The following ULK4 variants were observed in gnomAD, a reference collection of about 807,000 sequenced individuals.
ULK4 encodes the protein unc-51 like kinase 4.
ULK4 carries 133 observed loss-of-function variants against 160.6 expected under a neutral mutation model. The ratio of observed to expected loss-of-function variants is 0.83; its 90% CI spans 0.72 to 0.96. The LOEUF (loss-of-function observed/expected upper bound fraction) is 0.96, where lower values mean the gene tolerates loss of function less well. ULK4 is among the 40% of genes least tolerant of loss of function. ULK4 has a pLI of 0.00. For synonymous variants in ULK4, 534 were observed against 539.8 expected (o/e 0.99, Z 0.15); for missense variants, 1,580 against 1,499.5 (o/e 1.05, Z -0.89).
intron 27 of ULK4, among the ~76,000 whole-genome samples, chr3:41,696,686 C>A (rs2036515325): frequency 6.6e-6 from 1 of 152,160 alleles, no homozygotes; most frequent in Admixed American, 6.6e-5. Context: ...TAGTCCTGAT[C>A]TCCAGAACCT....
At chr3:41,484,406 C>T (rs570922423) in intron 32 of ULK4, among the ~76,000 whole-genome samples, 85 of 151,906 alleles carry the variant, frequency 5.6e-4, no homozygotes, top group African/African-American at 2.0e-3. Context: ...TGGAGATATA[C>T]ATCCTGGTCT....
intron 25 of ULK4, among the ~76,000 whole-genome samples, chr3:41,711,513 T>C (rs1189772425): frequency 6.6e-6 from 1 of 152,164 alleles, no homozygotes; most frequent in Non-Finnish European, 1.5e-5. Flanking sequence ...ATATATACTA[T>C]CATGTTTTCA....
At chr3:41,762,655 CTTTTTTTT>C (rs35695794) in intron 21 of ULK4, among the ~76,000 whole-genome samples, 1 of 88,976 alleles carries the variant, frequency 1.1e-5, no homozygotes, top group Non-Finnish European at 2.1e-5. Context: ...AAGTGTTACA[CTTTTTTTT>C]TTTTTTTTTT....
rs1559610886 is a variant in ULK4, at chr3:41,856,535, ATGTATATATATATG to A, written c.1657-20578_1657-20565del. 5.7e-5 allele frequency among the ~76,000 whole-genome samples: 6 copies of A among 105,650 alleles called. 1 individual carries two copies. Among genetic ancestry groups the A allele is most frequent in the East Asian group, 4.7e-4 (2 of 4,278 alleles). 69.3% of individuals were successfully genotyped at this position (105,650 alleles called of 152,430 possible). A position where few individuals can be genotyped will look rare whatever the true frequency, so the allele number is the denominator to read the frequency against. Reference sequence around the variant, plus strand: ...TAAATATATATATATATATATATGTATGTATATATATATGTGTATATATATACACATATATATAT... The same window carrying A: ...TAAATATATATATATATATATATGTATGTATATATATACACATATATATAT... On this transcript the variant is annotated intron_variant, in intron 17 of 36. Coordinates refer to ENST00000301831, the MANE Select transcript of ULK4 (RefSeq NM_017886.4).
chr3:41,273,978 C>T (rs1295202127), intron 35 of ULK4, among the ~76,000 whole-genome samples: 1 of 152,104 alleles, frequency 6.6e-6, no homozygotes, highest in Non-Finnish European at 1.5e-5. Flanking sequence ...CCTGCAAAAC[C>T]GTGGGCGAAA....
intron 1 of ULK4, among the ~76,000 whole-genome samples, chr3:41,957,343 A>G (rs903875756): frequency 6.7e-6 from 1 of 149,982 alleles, no homozygotes; most frequent in African/African-American, 2.4e-5. Context: ...AATCCCAGCT[A>G]CTCGGGAGGC....
chr3:41,770,303 T>C (rs1178599709), intron 21 of ULK4, among the ~76,000 whole-genome samples: 4 of 152,172 alleles, frequency 2.6e-5, no homozygotes. Context: ...TTAATCACTG[T>C]TGTGTTACAG....
At chr3:41,655,270 C>G (rs1000018149) in intron 30 of ULK4, among the ~76,000 whole-genome samples, 1 of 150,678 alleles carries the variant, frequency 6.6e-6, no homozygotes, top group East Asian at 2.0e-4. Context: ...AGCAAACTAT[C>G]GCAAGGACAA....
At position 41,398,218 on chromosome 3, in the gene ULK4, A is replaced by C. The variant is rs1559570069; in HGVS notation, c.3539T>G (p.Leu1180Arg). The change falls in exon 35 of 37, where the codon CTG (leucine) becomes CGG (arginine). Residue 1180 changes from leucine (L) to arginine (R), a missense_variant. Transcript: ENST00000301831. ...TCCATACAGCTGAACCAGTATAGAC[A>C]GGCACTTGGATGAAACATCAAAAAT... ...PEIFDVSSKC[L>R]SILVQLYGGE... 2 of 1,612,536 alleles carry C rather than the reference A, an allele frequency of 1.2e-6. No homozygotes were observed. The highest frequency in any genetic ancestry group is 1.7e-6 in the Non-Finnish European group (2 of 1,179,450).
rs147707905 is a variant in ULK4 at position 41,752,538 on chromosome 3, T to C, written c.2321+1823A>G. 4.5e-3 allele frequency among the ~76,000 whole-genome samples: 684 copies of C among 152,258 alleles called. 5 individuals carry two copies. Among genetic ancestry groups the C allele is most frequent in the Middle Eastern group, 0.017 (5 of 294 alleles). On this transcript the variant is annotated intron_variant, in intron 22 of 36. Coordinates refer to ENST00000301831, the MANE Select transcript of ULK4 (RefSeq NM_017886.4). ...TGTTAGGAAATTCCACACCCCTCAA[T>C]TGGAAGTGACTGATCTACAATGTAA...
At chr3:41,690,214 T>C (rs2036245541) in intron 27 of ULK4, among the ~76,000 whole-genome samples, 1 of 150,232 alleles carries the variant, frequency 6.7e-6, no homozygotes, top group Non-Finnish European at 1.5e-5. Flanking sequence ...CACCGCATAT[T>C]CTCACTCATA....
At chr3:41,271,393 CTTTT>C (rs35652378) in intron 35 of ULK4, among the ~76,000 whole-genome samples, 1 of 138,670 alleles carries the variant, frequency 7.2e-6, no homozygotes. Context: ...ATCAATAGTT[CTTTT>C]TTTTTTTTTT....
chr3:41,499,957 T>G (rs2085134781), intron 32 of ULK4, among the ~76,000 whole-genome samples: 1 of 152,194 alleles, frequency 6.6e-6, no homozygotes, highest in Non-Finnish European at 1.5e-5. Context: ...TGTTTTCAAA[T>G]TTACTGATAT....
chr3:41,523,238 C>T (rs1157098590), intron 32 of ULK4, among the ~76,000 whole-genome samples: 2 of 151,946 alleles, frequency 1.3e-5, no homozygotes, highest in East Asian at 3.9e-4. Flanking sequence ...TTTTGGTGGC[C>T]CTAAAAGAAT....
At chr3:41,343,397 C>T (rs1023079502) in intron 35 of ULK4, among the ~76,000 whole-genome samples, 9 of 150,486 alleles carry the variant, frequency 6.0e-5, no homozygotes, top group African/African-American at 9.8e-5. Context: ...CTCTGCCTCC[C>T]GGGTTCCAGT....
intron 31 of ULK4, among the ~76,000 whole-genome samples, chr3:41,594,054 AAGAG>A (rs1374295311): frequency 6.6e-6 from 1 of 151,976 alleles, no homozygotes; most frequent in African/African-American, 2.4e-5. Context: ...AAAGAGAGAA[AAGAG>A]AGAGAGGGGA....
chr3:41,961,640 C>T (rs914954605), intron 1 of ULK4, among the ~76,000 whole-genome samples: 105 of 151,646 alleles, frequency 6.9e-4, no homozygotes, highest in Middle Eastern at 3.4e-3. Flanking sequence ...AGGCATCAGT[C>T]CGCGAGACCG....
intron 34 of ULK4, among the ~76,000 whole-genome samples, chr3:41,443,539 G>C (rs923909667): frequency 4.6e-5 from 7 of 152,142 alleles, no homozygotes; most frequent in African/African-American, 1.2e-4. Context: ...CTTGACTGAA[G>C]AGCTAATGGC....
intron 35 of ULK4, among the ~76,000 whole-genome samples, chr3:41,391,710 G>A (rs111271265): frequency 2.2e-3 from 331 of 152,004 alleles, no homozygotes; most frequent in African/African-American, 7.1e-3. Context: ...GTTCTCATGT[G>A]GAATGAGAAG....
Sources: allele counts gnomAD v4.1 joint callset (sites outside exome capture counted in the v4.1 genomes callset), GRCh38; gene constraint gnomAD v4.1.1; transcripts MANE v1.5; gene names NCBI Gene and HGNC (gene_info 2026-07-23, HGNC 2026-07-21).